The following TRIM55 variants were observed in gnomAD, a reference collection of about 807,000 sequenced individuals.
The protein encoded by TRIM55 is tripartite motif containing 55, also known as tripartite motif-containing protein 55.
TRIM55 carries 50 observed loss-of-function variants against 60.9 expected under a neutral mutation model. That is an observed-to-expected ratio of 0.82 (90% CI 0.65 to 1.04). TRIM55 has a LOEUF of 1.04. Ranked by LOEUF, TRIM55 falls within the 50% of genes least tolerant of loss-of-function variation. The pLI is 0.00. For synonymous variants in TRIM55, 237 were observed against 238.1 expected (o/e 1.00, Z 0.04); for missense variants, 681 against 666.9 (o/e 1.02, Z -0.23).
intron 4 of TRIM55, among the ~76,000 whole-genome samples, chr8:66,146,201 A>G (rs1392265188): frequency 1.3e-5 from 2 of 152,252 alleles, no homozygotes; most frequent in Admixed American, 1.3e-4. Flanking sequence ...TTAATAAAGC[A>G]TAGACCGCAT....
intron 9 of TRIM55, among the ~76,000 whole-genome samples, chr8:66,166,957 G>A (rs1811360486): frequency 6.6e-6 from 1 of 152,194 alleles, no homozygotes; most frequent in South Asian, 2.1e-4. Context: ...ACAAGAACAG[G>A]TGGGTCGTTT....
chr8:66,159,163 G>C (rs558499093), intron 9 of TRIM55, among the ~76,000 whole-genome samples: 1 of 152,324 alleles, frequency 6.6e-6, no homozygotes, highest in South Asian at 2.1e-4. Context: ...ACCCCAGAAA[G>C]TTCCCTCATG....
the TRIM55 span, among the ~76,000 whole-genome samples, chr8:66,118,201 G>T: frequency 8.2e-5 from 10 of 122,576 alleles, no homozygotes; most frequent in East Asian, 1.6e-3. Flanking sequence ...AAAAAGAAGT[G>T]TTCAGAGGAA....
intron 9 of TRIM55, among the ~76,000 whole-genome samples, chr8:66,170,418 C>G (rs1811558241): frequency 6.6e-6 from 1 of 152,178 alleles, no homozygotes; most frequent in Non-Finnish European, 1.5e-5. Context: ...CAGAATTTTT[C>G]TCCTTTTTAA....
intron 9 of TRIM55, among the ~76,000 whole-genome samples, chr8:66,169,576 G>A (rs1313523303): frequency 6.6e-6 from 1 of 152,194 alleles, no homozygotes; most frequent in Non-Finnish European, 1.5e-5. Flanking sequence ...AAGGTAACAT[G>A]AATGAAAAAG....
chr8:66,160,033 A>G (rs983607119), intron 9 of TRIM55, among the ~76,000 whole-genome samples: 3 of 151,652 alleles, frequency 2.0e-5, no homozygotes, highest in African/African-American at 7.3e-5. Context: ...GTTTTTGGGG[A>G]ACAGGTGGTG....
chr8:66,157,191 G>A (rs968209754), intron 9 of TRIM55, among the ~76,000 whole-genome samples: 1 of 152,158 alleles, frequency 6.6e-6, no homozygotes, highest in South Asian at 2.1e-4. Context: ...TGACATCCAC[G>A]TGCCTGCCTA....
chr8:66,139,511 C>A (rs539829160), intron 4 of TRIM55, among the ~76,000 whole-genome samples: 2 of 152,132 alleles, frequency 1.3e-5, no homozygotes, highest in East Asian at 1.9e-4. Flanking sequence ...TTTTATTCAC[C>A]GAAATGACAA....
At chr8:66,148,920 G>A (rs777934787) in intron 4 of TRIM55, among the ~76,000 whole-genome samples, 2 of 152,108 alleles carry the variant, frequency 1.3e-5, no homozygotes, top group African/African-American at 2.4e-5. Context: ...GTGGTGGCAG[G>A]TGCCTGTAAT....
intron 4 of TRIM55, among the ~76,000 whole-genome samples, chr8:66,148,122 A>G (rs1169055378): frequency 6.6e-6 from 1 of 152,216 alleles, no homozygotes; most frequent in Non-Finnish European, 1.5e-5. Flanking sequence ...TCAGCTATAA[A>G]GGTCCTGGAC....
rs1253025091 is a variant in TRIM55, at chr8:66,154,208, G to C, written c.1398G>C (p.Leu466=). The change falls in exon 9 of 10, where the codon CTG becomes CTC. Residue 466 remains leucine, a synonymous_variant. Transcript: ENST00000315962. ...NPPCTPGSEG[L]GQIGPPGSED... ...CTTGCACCCCAGGGAGCGAAGGTCTGGGGCAAATAGGGCCTCCAGGTTCTG... is the reference window on the plus strand; with the variant it reads ...CTTGCACCCCAGGGAGCGAAGGTCTCGGGCAAATAGGGCCTCCAGGTTCTG... 6.2e-7 allele frequency: 1 copy of C among 1,614,040 alleles called. No individual in the cohort carries two copies.
Position 66,127,156 on chromosome 8 carries a change from G to A in TRIM55, c.-113G>A, listed in dbSNP as rs1380415111. The A allele has an allele frequency of 2.5e-6, 3 of 1,197,678 alleles. No individual in the cohort carries two copies. In the African/African-American group the frequency reaches 4.6e-5, roughly 18 times the overall value. The allele number at this position is 1,197,678 out of a possible 1,614,324, so 74.2% of individuals were successfully genotyped here. On this transcript the variant is annotated 5_prime_UTR_variant, in exon 1 of 10. Coordinates refer to ENST00000315962, the MANE Select transcript of TRIM55 (RefSeq NM_184085.2). ...GGCCTGAAACAATGTCCTCCACCGA[G>A]AGAAACGTAAAGGACACTTGATCAC... is the stretch of plus-strand genomic sequence containing the variant.
At chr8:66,171,437 T>C (rs533437839) in intron 9 of TRIM55, among the ~76,000 whole-genome samples, 17 of 152,366 alleles carry the variant, frequency 1.1e-4, no homozygotes, top group Non-Finnish European at 2.4e-4. Context: ...TTCTTTTTTA[T>C]GTCTGCTTAG....
At chr8:66,123,350 C>T (rs776768292), upstream of TRIM55, among the ~76,000 whole-genome samples, 1 of 152,202 alleles carries the variant, frequency 6.6e-6, no homozygotes, top group Non-Finnish European at 1.5e-5. Flanking sequence ...GGCACCTGTT[C>T]TCGGGACCTC....
At chr8:66,147,327 T>C (rs1042284843) in intron 4 of TRIM55, among the ~76,000 whole-genome samples, 8 of 152,270 alleles carry the variant, frequency 5.3e-5, no homozygotes. Flanking sequence ...TGCATTATAA[T>C]TTGGTTGGGA....
the TRIM55 span, among the ~76,000 whole-genome samples, chr8:66,116,062 T>C: frequency 2.6e-5 from 4 of 152,222 alleles, no homozygotes; most frequent in African/African-American, 9.6e-5. Context: ...TATATGCGTT[T>C]ATATAAATAT....
upstream of TRIM55, chr8:66,127,075 C>A: frequency 1.9e-6 from 1 of 534,316 alleles, no homozygotes; most frequent in Non-Finnish European, 3.3e-6. Flanking sequence ...CACGTCAGCC[C>A]ACCGTCACGT....
chr8:66,133,709 T>C (rs1321411118), intron 2 of TRIM55, among the ~76,000 whole-genome samples: 1 of 152,222 alleles, frequency 6.6e-6, no homozygotes, highest in African/African-American at 2.4e-5. Context: ...GACGTCCACC[T>C]AGCAACTTAT....
chr8:66,128,656 G>A (rs1206445287), intron 2 of TRIM55, among the ~76,000 whole-genome samples, 180 bp downstream of exon 2: 1 of 152,152 alleles, frequency 6.6e-6, no homozygotes, highest in Non-Finnish European at 1.5e-5. Flanking sequence ...AGGAGAGAGG[G>A]GAGTTGGTGC....
Sources: gnomAD v4.1 joint callset for allele counts (sites outside exome capture counted in the v4.1 genomes callset) on GRCh38, gnomAD v4.1.1 for gene constraint, MANE v1.5 for transcripts, NCBI Gene and HGNC (gene_info 2026-07-23, HGNC 2026-07-21) for gene names.